AGBL1: variants seen among roughly 807,000 people sequenced by gnomAD.
AGBL1 encodes cytosolic carboxypeptidase 4.
AGBL1 carries 130 observed loss-of-function variants against 118.9 expected under a neutral mutation model. The observed-to-expected ratio is 1.09, with a 90% confidence interval of 0.95 to 1.26. AGBL1 has a LOEUF of 1.26. Ranked by LOEUF, AGBL1 falls within the 50% of genes most tolerant of loss-of-function variation. AGBL1 has a pLI of 0.00. For missense variants in AGBL1, 1,584 were observed against 1,298.1 expected (o/e 1.22, Z -3.38); for synonymous variants, 555 against 478.9 (o/e 1.16, Z -2.08).
chr15:86,993,168 G>A (rs2081349847), intron 24 of AGBL1, among the ~76,000 whole-genome samples: 1 of 152,120 alleles, frequency 6.6e-6, no homozygotes, highest in Admixed American at 6.6e-5. Flanking sequence ...ATAATAAACT[G>A]CTACAAATTA....
rs140188534 is a variant in AGBL1, at chr15:86,384,010, A to G, written c.2375-13356A>G. Among the ~76,000 whole-genome samples, 791 of 152,324 alleles carry G rather than the reference A, an allele frequency of 5.2e-3. 6 individuals are homozygous for G. Among genetic ancestry groups the G allele is most frequent in the African/African-American group, 0.018 (744 of 41,566 alleles). ...TAAACCTAGTGAAATGTAATAAAGTATAACAGGGTGGGATGTGTTGAATGA... is the reference window on the plus strand; with the variant it reads ...TAAACCTAGTGAAATGTAATAAAGTGTAACAGGGTGGGATGTGTTGAATGA... On this transcript the variant is annotated intron_variant, in intron 17 of 22. Transcript: ENST00000614907.
intron 22 of AGBL1, among the ~76,000 whole-genome samples, chr15:86,732,277 G>A (rs377386722): frequency 6.6e-6 from 1 of 152,150 alleles, no homozygotes; most frequent in Non-Finnish European, 1.5e-5. Flanking sequence ...ATGTATATTT[G>A]TTTATGTGAT....
At chr15:86,489,068 CT>C (rs111987989) in intron 18 of AGBL1, among the ~76,000 whole-genome samples, 2,161 of 152,116 alleles carry the variant, frequency 0.014, 48 homozygotes, top group African/African-American at 0.049. Context: ...AGCAGAAGGG[CT>C]GCAGGAGCTA....
intron 22 of AGBL1, among the ~76,000 whole-genome samples, chr15:86,677,278 G>A (rs560997203): frequency 9.2e-5 from 14 of 152,168 alleles, no homozygotes; most frequent in Non-Finnish European, 1.5e-5. Flanking sequence ...GGTGGCTGAC[G>A]CTGAAAATGA....
intron 21 of AGBL1, among the ~76,000 whole-genome samples, chr15:86,583,759 T>C (rs1295781877): frequency 6.6e-6 from 1 of 152,158 alleles, no homozygotes; most frequent in Non-Finnish European, 1.5e-5. Flanking sequence ...CTTTGAGAAA[T>C]CTCCAAACTG....
chr15:87,024,156 AAAC>A (rs1174531806), intron 24 of AGBL1, among the ~76,000 whole-genome samples: 4 of 152,064 alleles, frequency 2.6e-5, no homozygotes, highest in African/African-American at 9.6e-5. Flanking sequence ...AATGAAACTG[AAAC>A]AACAACAAAA....
At chr15:86,861,287 C>T (rs909558436) in intron 22 of AGBL1, among the ~76,000 whole-genome samples, 3 of 152,118 alleles carry the variant, frequency 2.0e-5, no homozygotes, top group African/African-American at 7.2e-5. Flanking sequence ...GATATGATAC[C>T]TGCCCTCAGA....
intron 22 of AGBL1, among the ~76,000 whole-genome samples, chr15:86,722,636 C>G (rs557094009): frequency 1.6e-4 from 24 of 152,094 alleles, no homozygotes; most frequent in Admixed American, 4.6e-4. Context: ...GCAATGGCAA[C>G]AAAAGCCAAA....
At chr15:86,597,142 T>TCCATCCAC (rs2084421695) in intron 21 of AGBL1, among the ~76,000 whole-genome samples, 1 of 151,248 alleles carries the variant, frequency 6.6e-6, no homozygotes, top group African/African-American at 2.4e-5. Context: ...TATCCATCCA[T>TCCATCCAC]CCATCCATCC....
rs796446262 is a variant in AGBL1 at position 86,328,423 on chromosome 15, T to TA, written c.2374+33023dup. On this transcript the variant is annotated intron_variant, in intron 17 of 22. Transcript: ENST00000614907. Reference sequence around the variant, plus strand: ...GCAACTTTTTATTTCAAATAAAACTTAAAAAAAATACAATTTATAAAGAAA... The same window carrying TA: ...GCAACTTTTTATTTCAAATAAAACTTAAAAAAAAATACAATTTATAAAGAAA... Among the ~76,000 whole-genome samples, 339 of 152,172 alleles carry TA rather than the reference T, an allele frequency of 2.2e-3. 2 individuals carry two copies. Among genetic ancestry groups the TA allele is most frequent in the African/African-American group, 7.6e-3 (314 of 41,534 alleles).
intron 23 of AGBL1, chr15:86,935,227 A>G (rs1274420601): frequency 6.6e-6 from 1 of 152,176 alleles, no homozygotes. Flanking sequence ...TTGTGACCCC[A>G]GAGATCAATT....
intron 21 of AGBL1, among the ~76,000 whole-genome samples, chr15:86,585,432 T>C (rs2142340318): frequency 6.6e-6 from 1 of 152,288 alleles, no homozygotes; most frequent in East Asian, 1.9e-4. Context: ...TCACTGTCTC[T>C]GCCCAGGCTG....
intron 7 of AGBL1, among the ~76,000 whole-genome samples, chr15:86,251,566 C>T (rs1213486277): frequency 6.6e-6 from 1 of 152,098 alleles, no homozygotes; most frequent in Non-Finnish European, 1.5e-5. Flanking sequence ...TTAAGTCCTT[C>T]CCACACCTTT....
At chr15:87,013,575 G>T (rs182603567) in intron 24 of AGBL1, among the ~76,000 whole-genome samples, 3 of 151,570 alleles carry the variant, frequency 2.0e-5, no homozygotes, top group Non-Finnish European at 4.4e-5. Flanking sequence ...TATTTTGGTT[G>T]AATAAATAAG....
At chr15:86,527,130 G>A (rs1224628438) in intron 19 of AGBL1, among the ~76,000 whole-genome samples, 1 of 152,184 alleles carries the variant, frequency 6.6e-6, no homozygotes, top group African/African-American at 2.4e-5. Flanking sequence ...CACATGGCCT[G>A]CACAGCAGGT....
intron 1 of AGBL1, among the ~76,000 whole-genome samples, chr15:86,106,944 G>T (rs1336514274): frequency 6.6e-6 from 1 of 152,160 alleles, no homozygotes; most frequent in East Asian, 1.9e-4. Flanking sequence ...AGTGATCAAT[G>T]TTATTTGCTT....
intron 17 of AGBL1, among the ~76,000 whole-genome samples, chr15:86,312,901 T>C (rs2079941786): frequency 6.6e-6 from 1 of 152,210 alleles, no homozygotes; most frequent in Non-Finnish European, 1.5e-5. Context: ...TTTTGTTCAA[T>C]GTTCAACAAA....
chr15:87,030,598 T>C (rs1404513864), downstream of AGBL1, among the ~76,000 whole-genome samples: 1 of 151,984 alleles, frequency 6.6e-6, no homozygotes, highest in Admixed American at 6.6e-5. Flanking sequence ...AATGATGTCA[T>C]TGCAAGTAAG....
intron 22 of AGBL1, among the ~76,000 whole-genome samples, chr15:86,899,486 C>T (rs534029361): frequency 1.3e-5 from 2 of 152,074 alleles, no homozygotes; most frequent in Non-Finnish European, 2.9e-5. Context: ...CCCCATGACA[C>T]AAGTTTACCT....
Sources: allele counts gnomAD v4.1 joint callset (sites outside exome capture counted in the v4.1 genomes callset), GRCh38; gene constraint gnomAD v4.1.1; transcripts MANE v1.5; gene names NCBI Gene and HGNC (gene_info 2026-07-23, HGNC 2026-07-21).